The following ANOS1 variants were observed in gnomAD, a reference collection of about 807,000 sequenced individuals.
ANOS1 encodes the protein anosmin-1.
ANOS1 carries 6 observed loss-of-function variants against 59.0 expected under a neutral mutation model. That is an observed-to-expected ratio of 0.10 (90% CI 0.06 to 0.20). The LOEUF (loss-of-function observed/expected upper bound fraction) is 0.20. Ranked by LOEUF, ANOS1 falls within the 10% of genes least tolerant of loss-of-function variation. The probability of loss-of-function intolerance (pLI) is 1.00; values close to 1 mark genes in which losing one functional copy is unlikely to be tolerated. For missense variants in ANOS1, 433 were observed against 542.3 expected, an observed-to-expected ratio of 0.80 and a Z score of 2.00; for synonymous variants, 217 against 223.4, an observed-to-expected ratio of 0.97 and a Z score of 0.25.
intron 2 of ANOS1, among the ~76,000 whole-genome samples, chrX:8,624,182 A>T (rs1931351342): frequency 9.3e-6 from 1 of 108,084 alleles, no homozygotes; most frequent in Admixed American, 1.0e-4. Context: ...CACCGGGCTA[A>T]TTTTTGTATT....
chrX:8,673,431 G>A (rs1932287767), intron 2 of ANOS1, among the ~76,000 whole-genome samples: 1 of 108,219 alleles, frequency 9.2e-6, no homozygotes, highest in Admixed American at 1.0e-4. Context: ...GTGTCTGCTC[G>A]CCCCAACTAC....
intron 7 of ANOS1, 22 bp from the exon 8 acceptor site, chrX:8,568,398 C>T (rs779175295): frequency 3.3e-6 from 4 of 1,194,771 alleles, no homozygotes; most frequent in Non-Finnish European, 2.3e-6. Flanking sequence ...GAGAATATAC[C>T]CAAAATGCGT....
chrX:8,731,936 C>A lies in ANOS1; in HGVS notation c.101G>T (p.Arg34Leu). ...AAGPGAAAAR[R>L]LDESLSAGSV... ...CCCGGCAGACAGCGACTCGTCCAGC[C>A]GCCGCGCAGCAGCCGCGCCGGGGCC... is the stretch of plus-strand genomic sequence containing the variant. Residue 34 changes from arginine (R) to leucine (L), a missense_variant, in exon 1 of 14, where the codon CGG (arginine) becomes CTG (leucine). Coordinates refer to ENST00000262648, the MANE Select transcript of ANOS1 (RefSeq NM_000216.4). The A allele has an allele frequency of 8.8e-7, 1 of 1,141,150 alleles. No homozygotes were observed. Among genetic ancestry groups the A allele is most frequent in the Non-Finnish European group, 1.2e-6 (1 of 863,602 alleles). 94.0% of individuals were successfully genotyped at this position (1,141,150 alleles called of 1,213,427 possible). A position where few individuals can be genotyped will look rare whatever the true frequency, so the allele number is the denominator to read the frequency against.
intron 2 of ANOS1, among the ~76,000 whole-genome samples, chrX:8,685,577 G>GA (rs1376156206): frequency 2.3e-5 from 1 of 43,827 alleles, no homozygotes; most frequent in Non-Finnish European, 4.1e-5. Context: ...AAGGAAGGAA[G>GA]GAAAGAAAGA....
chrX:8,659,697 T>C (rs1431130877), intron 2 of ANOS1, among the ~76,000 whole-genome samples: 1 of 107,762 alleles, frequency 9.3e-6, no homozygotes, highest in African/African-American at 3.4e-5. Context: ...GGTGCAATCT[T>C]GGCTCACTGC....
At chrX:8,717,280 A>G (rs1002775397) in intron 1 of ANOS1, among the ~76,000 whole-genome samples, 1 of 112,336 alleles carries the variant, frequency 8.9e-6, no homozygotes, top group Non-Finnish European at 1.9e-5. Flanking sequence ...CCTATTAAAA[A>G]CAGGTTTAAA....
At chrX:8,609,907 T>C (rs1232151679) in intron 3 of ANOS1, among the ~76,000 whole-genome samples, 2 of 101,722 alleles carry the variant, frequency 2.0e-5, no homozygotes, top group Non-Finnish European at 3.9e-5. Context: ...CTCGGGAGGC[T>C]GAGACAGGAG....
chrX:8,671,512 AC>A (rs1932253942), intron 2 of ANOS1, among the ~76,000 whole-genome samples: 1 of 110,154 alleles, frequency 9.1e-6, no homozygotes, highest in South Asian at 3.8e-4. Flanking sequence ...TATGAGTAGT[AC>A]CTTGCAATCT....
At chrX:8,639,666 G>C (rs1348633549) in intron 2 of ANOS1, among the ~76,000 whole-genome samples, 1 of 112,140 alleles carries the variant, frequency 8.9e-6, no homozygotes, top group Non-Finnish European at 1.9e-5. Context: ...ATTTTAAAGA[G>C]GAAATGTGAT....
intron 1 of ANOS1, among the ~76,000 whole-genome samples, chrX:8,716,166 AC>A (rs1932841020): frequency 8.9e-6 from 1 of 111,793 alleles, no homozygotes; most frequent in Non-Finnish European, 1.9e-5. Flanking sequence ...CAGCTCACCA[AC>A]AGAAATAATG....
intron 1 of ANOS1, among the ~76,000 whole-genome samples, chrX:8,728,292 A>G (rs1254717492): frequency 2.7e-5 from 3 of 112,267 alleles, no homozygotes; most frequent in Middle Eastern, 4.6e-3. Context: ...GGATTAAAAG[A>G]GTAGTACTTG....
In ANOS1 at chrX:8,602,860, T is replaced by A. The variant is rs761133698; in HGVS notation, c.319-5604A>T. ...CTCAAGCGATTCCCCTGCCTCGGCC[T>A]CCCAAGTAGCTGGGATTACAGGCAT... On this transcript the variant is annotated intron_variant, in intron 3 of 13. Coordinates refer to ENST00000262648, the MANE Select transcript of ANOS1 (RefSeq NM_000216.4). Among the ~76,000 whole-genome samples, 296 of 110,964 alleles carry A rather than the reference T, an allele frequency of 2.7e-3. 2 individuals are homozygous for A. Among genetic ancestry groups the A allele is most frequent in the Non-Finnish European group, 4.2e-3 (223 of 52,992 alleles).
chrX:8,556,804 C>T (rs770386509), intron 8 of ANOS1, among the ~76,000 whole-genome samples: 1 of 112,044 alleles, frequency 8.9e-6, no homozygotes, highest in East Asian at 2.8e-4. Context: ...CATTGACTTT[C>T]TTTACAGAAT....
chrX:8,607,667 T>C (rs1415136959), intron 3 of ANOS1, among the ~76,000 whole-genome samples: 1 of 111,272 alleles, frequency 9.0e-6, no homozygotes, highest in East Asian at 2.8e-4. Context: ...TTTATTTCCC[T>C]CTCCTACTTC....
At chrX:8,588,442 A>G (rs1046738463) in intron 4 of ANOS1, among the ~76,000 whole-genome samples, 20 of 110,594 alleles carry the variant, frequency 1.8e-4, no homozygotes, top group Non-Finnish European at 3.2e-4. Flanking sequence ...CATGGTTTCC[A>G]GATTTGATCT....
At chrX:8,588,924 T>C (rs1047173691) in intron 4 of ANOS1, among the ~76,000 whole-genome samples, 10 of 112,754 alleles carry the variant, frequency 8.9e-5, no homozygotes, top group Admixed American at 1.9e-4. Flanking sequence ...ATTAATAGCA[T>C]TTTCTGTACA....
chrX:8,568,305 C>A lies in ANOS1; in HGVS notation c.1134G>T (p.Thr378=). Residue 378 remains threonine, a synonymous_variant, in exon 8 of 14, where the codon ACG becomes ACT. Transcript: ENST00000262648. ...TCTTCAGCCGTGTCTGTCCCCAGTA[C>A]GTTATGGCTTGCAATTCCACAACAT... ...CDYVVELQAI[T]YWGQTRLKSA... 1.7e-6 allele frequency: 2 copies of A among 1,209,096 alleles called. No homozygotes were observed. Among genetic ancestry groups the A allele is most frequent in the Non-Finnish European group, 2.2e-6 (2 of 893,190 alleles).
At chrX:8,597,455 T>C (rs761590983) in intron 3 of ANOS1, among the ~76,000 whole-genome samples, 199 bp from the exon 4 acceptor site, 4 of 110,822 alleles carry the variant, frequency 3.6e-5, no homozygotes, top group Non-Finnish European at 7.5e-5. Context: ...AATCCATAAG[T>C]GATGATTTTA....
In ANOS1 at chrX:8,707,709, T is replaced by TAGGAGG. The variant is rs1464366482; in HGVS notation, c.208-7965_208-7964insCCTCCT. Among the ~76,000 whole-genome samples, 3 of 111,534 alleles carry TAGGAGG rather than the reference T, an allele frequency of 2.7e-5. No individual in the cohort carries two copies. The East Asian group carries it at 8.4e-4, about 31-fold the overall frequency. ...AATATATAGGAGGATATTTGCAGGT[T>TAGGAGG]ATATACAAATACCACACCATTTTAC... On this transcript the variant is annotated intron_variant, in intron 1 of 13. Coordinates refer to ENST00000262648, the MANE Select transcript of ANOS1 (RefSeq NM_000216.4).
Sources: gnomAD v4.1 joint callset for allele counts (sites outside exome capture counted in the v4.1 genomes callset) on GRCh38, gnomAD v4.1.1 for gene constraint, MANE v1.5 for transcripts, NCBI Gene and HGNC (gene_info 2026-07-23, HGNC 2026-07-21) for gene names.